SLIT3: variants seen among roughly 807,000 people sequenced by gnomAD.
SLIT3 encodes the protein slit guidance ligand 3, also known as slit homolog 3 protein.
Under a neutral mutation model 184.0 loss-of-function variants are expected in SLIT3, and 68 were observed. That is an observed-to-expected ratio of 0.37 (90% CI 0.30 to 0.45). The LOEUF is 0.45. SLIT3 is among the 20% of genes least tolerant of loss of function. The pLI, the probability that SLIT3 is intolerant of heterozygous loss-of-function variation, is 1.00. For missense variants in SLIT3, 1,707 were observed against 2,026.0 expected, an observed-to-expected ratio of 0.84 and a Z score of 3.02; for synonymous variants, 831 against 828.6, an observed-to-expected ratio of 1.00 and a Z score of -0.05.
At chr5:168,775,314 G>T in intron 12 of SLIT3, among the ~76,000 whole-genome samples, 1 of 152,138 alleles carries the variant, frequency 6.6e-6, no homozygotes, top group Non-Finnish European at 1.5e-5. Flanking sequence ...TGGGATTACA[G>T]GTGTGAGCCA....
intron 20 of SLIT3, among the ~76,000 whole-genome samples, chr5:168,736,801 T>C (rs1763451696): frequency 6.6e-6 from 1 of 152,178 alleles, no homozygotes; most frequent in Admixed American, 6.5e-5. Context: ...GCAGAACACA[T>C]AGGGACCTGG....
At chr5:168,967,437 C>CCTTTTTTTTTTTTTT (rs1763237303) in intron 4 of SLIT3, among the ~76,000 whole-genome samples, 2 of 32,732 alleles carry the variant, frequency 6.1e-5, no homozygotes, top group African/African-American at 2.1e-4. Flanking sequence ...CATCTCAAAT[C>CCTTTTTTTTTTTTTT]TTTTTTTTTT....
Position 168,800,702 on chromosome 5 carries a change from C to A in SLIT3, c.936-5124G>T, listed in dbSNP as rs532768542. 2.1e-4 allele frequency among the ~76,000 whole-genome samples: 32 copies of A among 152,334 alleles called. 1 individual carries two copies. The highest frequency in any genetic ancestry group is 1.0e-3 in the Admixed American group (16 of 15,306). ...AGGCATATCTGAGAAAAGCCATTCC[C>A]AACCTGTGCTGTGTGTAGACACCTG... On this transcript the variant is annotated intron_variant, in intron 9 of 35. Transcript: ENST00000519560.
intron 4 of SLIT3, among the ~76,000 whole-genome samples, chr5:169,159,254 T>C (rs1409156725): frequency 6.6e-6 from 1 of 151,070 alleles, no homozygotes; most frequent in Non-Finnish European, 1.5e-5. Flanking sequence ...GGAGAAACCC[T>C]GTCTCTACTA....
intron 4 of SLIT3, chr5:169,012,766 A>C (rs973563536): frequency 6.6e-6 from 1 of 152,204 alleles, no homozygotes; most frequent in African/African-American, 2.4e-5. Flanking sequence ...CATTTGTCTT[A>C]TGATGGCAGG....
chr5:168,786,919 C>G (rs926895507), intron 11 of SLIT3, among the ~76,000 whole-genome samples: 1 of 152,144 alleles, frequency 6.6e-6, no homozygotes, highest in Non-Finnish European at 1.5e-5. Flanking sequence ...TTTCTTAAGT[C>G]CTCTCCAGAG....
chr5:168,839,347 G>A (rs913251534), intron 6 of SLIT3, among the ~76,000 whole-genome samples: 20 of 152,236 alleles, frequency 1.3e-4, no homozygotes, highest in Admixed American at 2.0e-4. Flanking sequence ...CAGGGGCCAC[G>A]TGGGCTGGCA....
At chr5:168,870,444 T>C (rs181051593) in intron 5 of SLIT3, among the ~76,000 whole-genome samples, 2 of 152,300 alleles carry the variant, frequency 1.3e-5, no homozygotes, top group East Asian at 1.9e-4. Context: ...CCTTCTCCTT[T>C]CCTTTCCTCC....
intron 3 of SLIT3, among the ~76,000 whole-genome samples, chr5:169,237,387 C>T (rs909942322): frequency 2.0e-5 from 3 of 152,164 alleles, no homozygotes; most frequent in Non-Finnish European, 4.4e-5. Flanking sequence ...CCCCACTGTG[C>T]TTTATTCAAC....
intron 5 of SLIT3, among the ~76,000 whole-genome samples, chr5:168,847,811 T>C (rs952672821): frequency 5.3e-5 from 8 of 151,946 alleles, no homozygotes; most frequent in Non-Finnish European, 1.0e-4. Flanking sequence ...GCTTCTGGGG[T>C]TTGATGTGAC....
intron 10 of SLIT3, chr5:168,790,225 G>C (rs1035974919): frequency 6.6e-6 from 1 of 152,364 alleles, no homozygotes; most frequent in Non-Finnish European, 1.5e-5. Context: ...GGATTCTCAG[G>C]GGACGCCTTG....
chr5:169,031,740 G>C (rs1291817913), intron 4 of SLIT3, among the ~76,000 whole-genome samples: 1 of 152,210 alleles, frequency 6.6e-6, no homozygotes, highest in Non-Finnish European at 1.5e-5. Context: ...AAGTTGGGTA[G>C]TCATTGCAGG....
At chr5:168,863,554 T>C (rs1428081784) in intron 5 of SLIT3, among the ~76,000 whole-genome samples, 1 of 152,096 alleles carries the variant, frequency 6.6e-6, no homozygotes, top group Admixed American at 6.5e-5. Flanking sequence ...CTTATGCAAA[T>C]GGTAATGATC....
chr5:169,044,557 G>T (rs929236294), intron 4 of SLIT3, among the ~76,000 whole-genome samples: 10 of 132,748 alleles, frequency 7.5e-5, no homozygotes, highest in Non-Finnish European at 1.6e-4. Flanking sequence ...ACAAAAAGTA[G>T]ATTAGTATTT....
chr5:169,001,571 T>C lies in SLIT3; in HGVS notation c.414-118235A>G, dbSNP rs370626569. Among the ~76,000 whole-genome samples the C allele has an allele frequency of 9.0e-4, 137 of 152,208 alleles. 1 individual carries two copies. Among genetic ancestry groups the C allele is most frequent in the African/African-American group, 3.1e-3 (130 of 41,532 alleles). ...GTGAAATAGACTAGAAACAGACCAA[T>C]TTCATTTTTCTGTCAGCATCTCATG... On this transcript the variant is annotated intron_variant, in intron 4 of 35. Coordinates refer to ENST00000519560, the MANE Select transcript of SLIT3 (RefSeq NM_003062.4).
intron 20 of SLIT3, among the ~76,000 whole-genome samples, chr5:168,736,050 C>T (rs1399599177): frequency 1.3e-5 from 2 of 152,198 alleles, no homozygotes; most frequent in Non-Finnish European, 2.9e-5. Flanking sequence ...TGGGAAATCC[C>T]CCTCTACTCC....
At chr5:169,119,055 G>A (rs559727006) in intron 4 of SLIT3, among the ~76,000 whole-genome samples, 2 of 152,312 alleles carry the variant, frequency 1.3e-5, no homozygotes, top group East Asian at 3.9e-4. Context: ...AGAAGCTCAT[G>A]TTTGAATCCA....
intron 1 of SLIT3, among the ~76,000 whole-genome samples, chr5:169,295,453 C>T (rs1767472728): frequency 6.6e-6 from 1 of 152,244 alleles, no homozygotes; most frequent in Non-Finnish European, 1.5e-5. Context: ...ACAGCATCCC[C>T]ATGAAGACCG....
intron 4 of SLIT3, among the ~76,000 whole-genome samples, chr5:169,014,079 A>G (rs1388480344): frequency 7.2e-6 from 1 of 138,238 alleles, no homozygotes; most frequent in East Asian, 2.2e-4. Context: ...CACAATACAG[A>G]ATGTTTTGTG....
Sources: gnomAD v4.1 joint callset for allele counts (sites outside exome capture counted in the v4.1 genomes callset) on GRCh38, gnomAD v4.1.1 for gene constraint, MANE v1.5 for transcripts, NCBI Gene and HGNC (gene_info 2026-07-23, HGNC 2026-07-21) for gene names.